MAD1L1: variants seen among roughly 807,000 people sequenced by gnomAD.
The protein encoded by MAD1L1 is mitotic spindle assembly checkpoint protein MAD1.
A neutral mutation model predicts 96.9 loss-of-function variants in MAD1L1; 95 were observed. The observed-to-expected ratio is 0.98, with a 90% CI of 0.83 to 1.16. The LOEUF is 1.16. Ranked by LOEUF, MAD1L1 falls within the 50% of genes most tolerant of loss-of-function variation. The pLI, the probability that MAD1L1 is intolerant of heterozygous loss-of-function variation, is 0.00. For missense variants in MAD1L1, 1,007 were observed against 954.4 expected (o/e 1.06, Z -0.73); for synonymous variants, 473 against 396.6 (o/e 1.19, Z -2.29).
intron 10 of MAD1L1, among the ~76,000 whole-genome samples, chr7:2,186,750 C>G (rs1791477300): frequency 6.6e-6 from 1 of 152,078 alleles, no homozygotes; most frequent in South Asian, 2.1e-4. Flanking sequence ...TCTGCAGACA[C>G]CATTCTAGGC....
intron 18 of MAD1L1, among the ~76,000 whole-genome samples, chr7:1,819,175 G>A (rs1388106582): frequency 6.6e-6 from 1 of 152,150 alleles, no homozygotes. Flanking sequence ...GTAAATCACT[G>A]TAATTACGGG....
At chr7:1,957,292 C>T (rs953286765) in intron 16 of MAD1L1, among the ~76,000 whole-genome samples, 1 of 152,236 alleles carries the variant, frequency 6.6e-6, no homozygotes, top group East Asian at 1.9e-4. Context: ...AGGATGAAAA[C>T]CAAAGAGAAA....
chr7:1,897,528 C>A (rs1398043515), intron 18 of MAD1L1, among the ~76,000 whole-genome samples: 5 of 152,232 alleles, frequency 3.3e-5, no homozygotes, highest in Admixed American at 2.0e-4. Flanking sequence ...CCCCTGTTGC[C>A]CTGGGTCTCC....
intron 12 of MAD1L1, among the ~76,000 whole-genome samples, chr7:2,038,194 T>A (rs1783522916): frequency 2.0e-5 from 3 of 152,270 alleles, no homozygotes; most frequent in African/African-American, 7.2e-5. Flanking sequence ...GCTGCAGAAT[T>A]CAAGTCTGAA....
chr7:1,862,896 G>A (rs768025625), intron 18 of MAD1L1, among the ~76,000 whole-genome samples: 10 of 152,260 alleles, frequency 6.6e-5, no homozygotes, highest in South Asian at 2.1e-4. Flanking sequence ...CTTGCCGGCC[G>A]TAGAAAGGGG....
chr7:2,100,121 G>A (rs1786702527), intron 11 of MAD1L1, among the ~76,000 whole-genome samples: 1 of 152,218 alleles, frequency 6.6e-6, no homozygotes, highest in African/African-American at 2.4e-5. Flanking sequence ...GCAAATCCCA[G>A]GCAACCATTG....
rs550795471 is a variant in MAD1L1, at chr7:1,935,251, G to A, written c.1807+1436C>T. Reference sequence around the variant, plus strand: ...GAATGCAGGGCGGAGAGGGAGCCACGGCTGGACCAGAAAGGGGGCTGGGGA... The same window carrying A: ...GAATGCAGGGCGGAGAGGGAGCCACAGCTGGACCAGAAAGGGGGCTGGGGA... On this transcript the variant is annotated intron_variant, in intron 17 of 18. Transcript: ENST00000265854. 7.6e-4 allele frequency among the ~76,000 whole-genome samples: 116 copies of A among 152,356 alleles called. No individual in the cohort carries two copies. In the Middle Eastern group the frequency reaches 0.01, roughly 13 times the overall value.
intron 16 of MAD1L1, among the ~76,000 whole-genome samples, chr7:1,953,074 G>A (rs921754539): frequency 6.6e-6 from 1 of 152,154 alleles, no homozygotes; most frequent in Non-Finnish European, 1.5e-5. Context: ...GAATTCCAGG[G>A]ATCTGGGGGC....
chr7:2,121,699 C>T (rs1027067794), intron 11 of MAD1L1, among the ~76,000 whole-genome samples: 18 of 152,176 alleles, frequency 1.2e-4, no homozygotes, highest in African/African-American at 3.4e-4. Flanking sequence ...AGCCTGGGGG[C>T]CAGGAGTCCT....
At chr7:2,011,034 G>A (rs778228781) in intron 13 of MAD1L1, among the ~76,000 whole-genome samples, 2 of 152,174 alleles carry the variant, frequency 1.3e-5, no homozygotes, top group African/African-American at 2.4e-5. Context: ...AAGAAAAACC[G>A]GGTGGAGGTA....
intron 17 of MAD1L1, among the ~76,000 whole-genome samples, chr7:1,930,808 C>T (rs912729162): frequency 6.6e-6 from 1 of 152,042 alleles, no homozygotes; most frequent in Non-Finnish European, 1.5e-5. Context: ...CAGTGACAGG[C>T]CTGCCATCTG....
intron 17 of MAD1L1, among the ~76,000 whole-genome samples, chr7:1,914,009 G>A (rs766503608): frequency 4.6e-5 from 6 of 130,306 alleles, no homozygotes; most frequent in Non-Finnish European, 6.7e-5. Context: ...CCAGGGCAGC[G>A]TGGGCAGGTC....
At chr7:2,131,110 G>A (rs1359155433) in intron 11 of MAD1L1, among the ~76,000 whole-genome samples, 1 of 152,154 alleles carries the variant, frequency 6.6e-6, no homozygotes, top group African/African-American at 2.4e-5. Flanking sequence ...GAGTATTTTG[G>A]GTTGACATAC....
chr7:1,908,324 C>G (rs749835837), intron 17 of MAD1L1, among the ~76,000 whole-genome samples: 1 of 152,204 alleles, frequency 6.6e-6, no homozygotes, highest in African/African-American at 2.4e-5. Flanking sequence ...ACCATCAGAG[C>G]TGATGGGTAA....
At chr7:1,934,133 C>T (rs916807016) in intron 17 of MAD1L1, among the ~76,000 whole-genome samples, 3 of 152,246 alleles carry the variant, frequency 2.0e-5, no homozygotes, top group Admixed American at 6.5e-5. Flanking sequence ...CCTGGACGCC[C>T]GACCCACCCT....
chr7:2,174,050 G>A (rs747973816), intron 10 of MAD1L1, among the ~76,000 whole-genome samples: 2 of 152,052 alleles, frequency 1.3e-5, no homozygotes, highest in South Asian at 2.1e-4. Flanking sequence ...CAACTCCTGC[G>A]CTCAAGTGAT....
chr7:2,046,489 A>G (rs1783925696), intron 12 of MAD1L1, among the ~76,000 whole-genome samples: 3 of 152,066 alleles, frequency 2.0e-5, no homozygotes, highest in African/African-American at 7.2e-5. Flanking sequence ...AGCTCACTTA[A>G]AACTTCTAGT....
intron 11 of MAD1L1, among the ~76,000 whole-genome samples, chr7:2,095,757 C>G (rs959904253): frequency 6.6e-6 from 1 of 152,170 alleles, no homozygotes; most frequent in African/African-American, 2.4e-5. Context: ...GCAGGGAAGC[C>G]GTGAGGAGAG....
intron 11 of MAD1L1, among the ~76,000 whole-genome samples, chr7:2,093,506 C>G (rs1026625975): frequency 6.6e-6 from 1 of 152,232 alleles, no homozygotes; most frequent in Non-Finnish European, 1.5e-5. Context: ...CCTTTCTTCT[C>G]AGCTTTGCTG....
Sources: allele counts gnomAD v4.1 joint callset (sites outside exome capture counted in the v4.1 genomes callset), GRCh38; gene constraint gnomAD v4.1.1; transcripts MANE v1.5; gene names NCBI Gene and HGNC (gene_info 2026-07-23, HGNC 2026-07-21).